The following FRMPD1 variants were observed in gnomAD, a reference collection of about 807,000 sequenced individuals.
FRMPD1 encodes FERM and PDZ domain-containing protein 1.
FRMPD1 carries 76 observed loss-of-function variants against 117.8 expected under a neutral mutation model. The ratio of observed to expected loss-of-function variants is 0.65; its 90% CI spans 0.54 to 0.78. The LOEUF (loss-of-function observed/expected upper bound fraction) is 0.78. FRMPD1 is among the 30% of genes least tolerant of loss of function. The pLI, the probability that FRMPD1 is intolerant of heterozygous loss-of-function variation, is 0.00. For missense variants in FRMPD1, 1,786 were observed against 1,964.5 expected (o/e 0.91, Z 1.72); for synonymous variants, 783 against 770.4 (o/e 1.02, Z -0.27).
chr9:37,734,387 T>A (rs1824027884), intron 12 of FRMPD1, among the ~76,000 whole-genome samples: 1 of 152,038 alleles, frequency 6.6e-6, no homozygotes, highest in Non-Finnish European at 1.5e-5. Flanking sequence ...AAGGGAGGAA[T>A]GAGGGGTGGG....
chr9:37,642,768 A>G, the FRMPD1 span, among the ~76,000 whole-genome samples: 9 of 152,136 alleles, frequency 5.9e-5, no homozygotes, highest in Non-Finnish European at 1.2e-4. Flanking sequence ...TTGTCTTTTA[A>G]TTGGTGTATT....
In FRMPD1 at chr9:37,745,770, G is replaced by A. The variant is rs141369082; in HGVS notation, c.3738G>A (p.Glu1246=). ...GQDIAPRDSP[E]WVCFNPEPSL... is the part of the protein sequence containing the mutation. The stretch of plus-strand genomic sequence containing the variant: ...ATATAGCCCCTAGGGACAGCCCTGA[G>A]TGGGTCTGTTTTAATCCTGAGCCTT... The change falls in exon 16 of 16, where the codon GAG becomes GAA. Residue 1246 remains glutamate (E), a synonymous_variant. Coordinates refer to ENST00000377765, the MANE Select transcript of FRMPD1 (RefSeq NM_014907.3). 122 of 1,614,186 alleles carry A rather than the reference G, an allele frequency of 7.6e-5. No homozygotes were observed. In the African/African-American group the frequency reaches 1.1e-3, roughly 15 times the overall value.
chr9:37,683,322 A>G (rs1432728339), intron 1 of FRMPD1, among the ~76,000 whole-genome samples: 2 of 152,222 alleles, frequency 1.3e-5, no homozygotes, highest in Non-Finnish European at 2.9e-5. Context: ...CCTCAGAAAA[A>G]GAGATGTTTC....
chr9:37,725,363 T>G (rs934648416), intron 7 of FRMPD1, among the ~76,000 whole-genome samples: 1 of 152,082 alleles, frequency 6.6e-6, no homozygotes, highest in Admixed American at 6.5e-5. Flanking sequence ...GGAGAGCAGG[T>G]TCAGGAGGGC....
chr9:37,731,152 G>A, intron 9 of FRMPD1, 49 bp downstream of exon 9: 8 of 1,571,348 alleles, frequency 5.1e-6, no homozygotes, highest in Non-Finnish European at 6.1e-6. Flanking sequence ...TCTCAAAGAT[G>A]GTGCACTGGG....
chr9:37,615,158 G>T, the FRMPD1 span, among the ~76,000 whole-genome samples: 1 of 152,004 alleles, frequency 6.6e-6, no homozygotes, highest in African/African-American at 2.4e-5. Flanking sequence ...TGTCACCCAG[G>T]TTGGAATGCA....
chr9:37,612,542 C>G, the FRMPD1 span, among the ~76,000 whole-genome samples: 1 of 127,546 alleles, frequency 7.8e-6, no homozygotes, highest in Non-Finnish European at 1.6e-5. Context: ...TTTTTTGAGA[C>G]GGAGTCTTGC....
intron 4 of FRMPD1, among the ~76,000 whole-genome samples, chr9:37,709,019 C>T (rs1034713907): frequency 5.3e-5 from 8 of 152,266 alleles, no homozygotes; most frequent in East Asian, 1.9e-4. Context: ...GAAAATGCCT[C>T]GCTTTTTACC....
intron 1 of FRMPD1, among the ~76,000 whole-genome samples, chr9:37,652,301 G>A (rs1820699670): frequency 6.6e-6 from 1 of 152,206 alleles, no homozygotes; most frequent in Non-Finnish European, 1.5e-5. Flanking sequence ...GTATGGGTAC[G>A]GTTAAGGAGC....
intron 4 of FRMPD1, among the ~76,000 whole-genome samples, chr9:37,709,469 C>T (rs557288478): frequency 2.0e-5 from 3 of 151,208 alleles, no homozygotes; most frequent in East Asian, 1.9e-4. Context: ...GCAGGAGAAT[C>T]GCTTGAACCC....
chr9:37,686,164 G>GA (rs1240392084), intron 1 of FRMPD1, among the ~76,000 whole-genome samples: 1 of 152,186 alleles, frequency 6.6e-6, no homozygotes, highest in Admixed American at 6.5e-5. Context: ...AGGAACTGTT[G>GA]AAGGAGCTGA....
At chr9:37,672,073 G>A (rs1821370924) in intron 1 of FRMPD1, among the ~76,000 whole-genome samples, 1 of 152,192 alleles carries the variant, frequency 6.6e-6, no homozygotes, top group Non-Finnish European at 1.5e-5. Context: ...CTGCTAATGA[G>A]TATGAGGTTT....
intron 2 of FRMPD1, among the ~76,000 whole-genome samples, chr9:37,693,486 T>C (rs1457311783): frequency 6.6e-6 from 1 of 152,174 alleles, no homozygotes; most frequent in East Asian, 1.9e-4. Context: ...TGCTCAGGGC[T>C]CCACTGCCCT....
the FRMPD1 span, among the ~76,000 whole-genome samples, chr9:37,644,833 T>A: frequency 2.0e-5 from 3 of 152,162 alleles, no homozygotes; most frequent in East Asian, 5.8e-4. Flanking sequence ...TTGCTCTGTT[T>A]GGTGTTTTAC....
intron 1 of FRMPD1, among the ~76,000 whole-genome samples, chr9:37,684,191 G>A (rs12336179): frequency 6.6e-6 from 1 of 152,244 alleles, no homozygotes; most frequent in African/African-American, 2.4e-5. Flanking sequence ...GGGGGAGGCA[G>A]TGGGATGGAA....
At chr9:37,637,309 C>T in the FRMPD1 span, 2 of 1,277,508 alleles carry the variant, frequency 1.6e-6, no homozygotes, top group African/African-American at 1.5e-5. Flanking sequence ...CGGCGGAAGC[C>T]CGCTCAGTCG....
In FRMPD1 at chr9:37,737,287, C is replaced by T. The variant is rs1195861627; in HGVS notation, c.1549+44C>T. 3 of 1,594,398 alleles carry T rather than the reference C, an allele frequency of 1.9e-6. No individual in the cohort carries two copies. The Admixed American group carries it at 5.0e-5, about 27-fold the overall frequency. On this transcript the variant is annotated intron_variant, in intron 14 of 15. Transcript: ENST00000377765. ...CCCCAATAAGGACAGGCCCCTTTCA[C>T]TGGCCTTGTAGGTAAGGGCAGCCTA... is the stretch of plus-strand genomic sequence containing the variant.
At chr9:37,645,869 C>T in the FRMPD1 span, among the ~76,000 whole-genome samples, 4 of 152,182 alleles carry the variant, frequency 2.6e-5, no homozygotes, top group Non-Finnish European at 5.9e-5. Flanking sequence ...GACTATAACA[C>T]TTTAGCTTCC....
At chr9:37,680,496 C>T (rs556831852) in intron 1 of FRMPD1, among the ~76,000 whole-genome samples, 4 of 152,294 alleles carry the variant, frequency 2.6e-5, no homozygotes, top group African/African-American at 7.2e-5. Context: ...CTGTTTTACG[C>T]AGACCATGTT....
Sources: gnomAD v4.1 joint callset for allele counts (sites outside exome capture counted in the v4.1 genomes callset) on GRCh38, gnomAD v4.1.1 for gene constraint, MANE v1.5 for transcripts, NCBI Gene and HGNC (gene_info 2026-07-23, HGNC 2026-07-21) for gene names.